Variants in TC2N observed in about 807,000 individuals in gnomAD.
TC2N encodes the protein tandem C2 domains, nuclear.
A neutral mutation model predicts 61.9 loss-of-function variants in TC2N; 51 were observed. The observed-to-expected ratio is 0.82, with a 90% CI of 0.66 to 1.04. TC2N has a LOEUF of 1.04. Among genes scored for constraint, TC2N ranks in the 50% least tolerant of loss-of-function variants. The pLI is 0.00. For synonymous variants in TC2N, 204 were observed against 192.6 expected (o/e 1.06, Z -0.49); for missense variants, 556 against 566.7 (o/e 0.98, Z 0.19).
intron 1 of TC2N, among the ~76,000 whole-genome samples, chr14:91,851,845 A>T (rs1422317015): frequency 6.6e-6 from 1 of 152,224 alleles, no homozygotes; most frequent in Non-Finnish European, 1.5e-5. Context: ...GAGTCTAGCT[A>T]CTAAGACAAA....
At chr14:91,830,977 T>G (rs1887743240) in intron 1 of TC2N, among the ~76,000 whole-genome samples, 1 of 152,220 alleles carries the variant, frequency 6.6e-6, no homozygotes, top group Non-Finnish European at 1.5e-5. Context: ...GAATGAGCCC[T>G]GGGCTGACTT....
chr14:91,823,698 A>G (rs1038003053), intron 1 of TC2N, among the ~76,000 whole-genome samples: 2 of 152,104 alleles, frequency 1.3e-5, no homozygotes, highest in African/African-American at 4.8e-5. Flanking sequence ...GGGCAGGACC[A>G]GTCAGGTTAA....
intron 1 of TC2N, among the ~76,000 whole-genome samples, chr14:91,830,587 T>A (rs962236664): frequency 1.3e-5 from 2 of 152,052 alleles, no homozygotes; most frequent in Admixed American, 6.6e-5. Context: ...GGGTACAAGG[T>A]TTTTTTAGGA....
rs1275338857 is a variant in TC2N, at chr14:91,837,822, A to C, written c.-56-23997T>G. ...GACCATAGAACTCTTTTCTTGAGAA[A>C]GGCCTGTTTCCAATCTTGGGCATTA... On this transcript the variant is annotated intron_variant, in intron 1 of 11. Transcript: ENST00000435962. The surrounding 1 kb of genome is among the most constrained non-coding windows in gnomAD (Gnocchi z 4.2). 1.3e-5 allele frequency among the ~76,000 whole-genome samples: 2 copies of C among 152,234 alleles called. No individual in the cohort carries two copies. Among genetic ancestry groups the C allele is most frequent in the Non-Finnish European group, 2.9e-5 (2 of 68,044 alleles).
chr14:91,806,167 C>G (rs572884378), intron 3 of TC2N, among the ~76,000 whole-genome samples: 1 of 152,272 alleles, frequency 6.6e-6, no homozygotes, highest in African/African-American at 2.4e-5. Context: ...AAGGCCTCCC[C>G]AGCCACGTGG....
At chr14:91,822,671 G>T (rs923526565) in intron 1 of TC2N, among the ~76,000 whole-genome samples, 1 of 151,822 alleles carries the variant, frequency 6.6e-6, no homozygotes, top group Non-Finnish European at 1.5e-5. Flanking sequence ...AGGACTTGGT[G>T]GGGCAGGAGG....
intron 1 of TC2N, among the ~76,000 whole-genome samples, chr14:91,815,671 G>A (rs1043463275): frequency 2.6e-5 from 4 of 151,420 alleles, no homozygotes; most frequent in East Asian, 3.9e-4. Context: ...ATCAACTCAT[G>A]GCAAATCTTA....
At chr14:91,789,386 G>A (rs1413567722) in intron 9 of TC2N, among the ~76,000 whole-genome samples, 1 of 151,098 alleles carries the variant, frequency 6.6e-6, no homozygotes, top group Non-Finnish European at 1.5e-5. Context: ...CACGAGGTCA[G>A]ATCGAGACCA....
At position 91,798,974 on chromosome 14, in the gene TC2N, TA is replaced by T; in HGVS notation, c.637+14del. On this transcript the variant is annotated intron_variant, in intron 6 of 11. Coordinates refer to ENST00000435962, the MANE Select transcript of TC2N (RefSeq NM_001128596.3). ...TTATCTTAAGAGTATAAAAGTAGGA[TA>T]CTTTATTCCTTACCCAGGCTTCTGT... 6.5e-7 allele frequency: 1 copy of T among 1,550,088 alleles called. No homozygotes were observed. The highest frequency in any genetic ancestry group is 8.9e-7 in the Non-Finnish European group (1 of 1,128,702).
chr14:91,845,307 C>A (rs187649320), intron 1 of TC2N, among the ~76,000 whole-genome samples: 3 of 152,072 alleles, frequency 2.0e-5, no homozygotes, highest in Non-Finnish European at 2.9e-5. Flanking sequence ...TTGCAACAAC[C>A]ATTTAAGAAT....
chr14:91,831,141 TCCTA>T lies in TC2N; in HGVS notation c.-56-17320_-56-17317del, dbSNP rs1344379880. Among the ~76,000 whole-genome samples, 1,164 of 152,338 alleles carry T rather than the reference TCCTA, an allele frequency of 7.6e-3. 18 individuals are homozygous for T. The highest frequency in any genetic ancestry group is 0.026 in the African/African-American group (1,092 of 41,566). On this transcript the variant is annotated intron_variant, in intron 1 of 11. Transcript: ENST00000435962. ...TTCTCTTAGATTTTGGCATGTTAAT[TCCTA>T]TCTTTTGAATTGTTTTTTTAAATAC...
At chr14:91,845,180 A>G (rs993269432) in intron 1 of TC2N, among the ~76,000 whole-genome samples, 17 of 152,142 alleles carry the variant, frequency 1.1e-4, no homozygotes, top group Non-Finnish European at 7.4e-5. Flanking sequence ...GTAAGCAGAG[A>G]TGGTGCCACT....
chr14:91,829,117 G>A (rs1341202986), intron 1 of TC2N, among the ~76,000 whole-genome samples: 1 of 150,828 alleles, frequency 6.6e-6, no homozygotes, highest in African/African-American at 2.4e-5. Context: ...TTTGCCTTTG[G>A]TTTTCTTCAT....
At chr14:91,864,444 G>A (rs1052909777) in intron 1 of TC2N, among the ~76,000 whole-genome samples, 2 of 152,090 alleles carry the variant, frequency 1.3e-5, no homozygotes, top group Non-Finnish European at 2.9e-5. Flanking sequence ...ATCCACACTC[G>A]CTTTAGGGAT....
intron 1 of TC2N, among the ~76,000 whole-genome samples, chr14:91,849,110 T>C (rs929969703): frequency 1.3e-5 from 2 of 152,154 alleles, no homozygotes; most frequent in Non-Finnish European, 2.9e-5. Flanking sequence ...AAAACATTTG[T>C]GTGAATTAAG....
Position 91,799,030 on chromosome 14 carries a change from G to GAACT in TC2N, c.592_595dup (p.Ser199Ter). The GAACT allele has an allele frequency of 6.3e-7, 1 of 1,596,942 alleles. No homozygotes were observed. Among genetic ancestry groups the GAACT allele is most frequent in the Non-Finnish European group, 8.5e-7 (1 of 1,173,216 alleles). On this transcript the variant is annotated stop_gained and frameshift_variant, in exon 6 of 12. Coordinates refer to ENST00000435962, the MANE Select transcript of TC2N (RefSeq NM_001128596.3). LOFTEE classifies it high-confidence loss of function. ...CCCCTGAGAATTTTTCCTTGAAGAA[G>GAACT]AACTACTGGGTACACTGGACAATGA...
intron 1 of TC2N, among the ~76,000 whole-genome samples, chr14:91,830,206 G>C (rs183341148): frequency 3.9e-5 from 6 of 152,254 alleles, no homozygotes; most frequent in Admixed American, 3.3e-4. Context: ...ATATACCTAT[G>C]AGCATAGAAA....
chr14:91,863,834 A>T (rs1888642142), intron 1 of TC2N, among the ~76,000 whole-genome samples: 1 of 151,180 alleles, frequency 6.6e-6, no homozygotes, highest in African/African-American at 2.4e-5. Flanking sequence ...CTCTACAAAA[A>T]AAAAAAAAAA....
chr14:91,860,431 G>T (rs554246953), intron 1 of TC2N, among the ~76,000 whole-genome samples: 1 of 151,996 alleles, frequency 6.6e-6, no homozygotes, highest in African/African-American at 2.4e-5. Context: ...AAAATCAACT[G>T]TGACTCTTTA....
Sources: gnomAD v4.1 joint callset for allele counts (sites outside exome capture counted in the v4.1 genomes callset) on GRCh38, gnomAD v4.1.1 for gene constraint, Gnocchi (gnomAD v3.1) non-coding constraint, MANE v1.5 for transcripts, NCBI Gene and HGNC (gene_info 2026-07-23, HGNC 2026-07-21) for gene names.